DPP10: variants seen among roughly 807,000 people sequenced by gnomAD.
DPP10 encodes dipeptidyl peptidase like 10, also known as inactive dipeptidyl peptidase 10.
A neutral mutation model predicts 120.9 loss-of-function variants in DPP10; 33 were observed. That is an observed-to-expected ratio of 0.27 (90% CI 0.21 to 0.37). DPP10 has a LOEUF of 0.37. Ranked by LOEUF, DPP10 falls within the 10% of genes least tolerant of loss-of-function variation. The pLI, the probability that DPP10 is intolerant of heterozygous loss-of-function variation, is 1.00. For synonymous variants in DPP10, 337 were observed against 326.1 expected, an observed-to-expected ratio of 1.03 and a Z score of -0.36; for missense variants, 816 against 942.8, an observed-to-expected ratio of 0.87 and a Z score of 1.76.
At chr2:114,692,202 T>C (rs553730334) in intron 1 of DPP10, among the ~76,000 whole-genome samples, 5 of 150,590 alleles carry the variant, frequency 3.3e-5, no homozygotes, top group African/African-American at 1.2e-4. Flanking sequence ...TCTTTCTAGC[T>C]TTTTGATGTG....
chr2:115,681,139 A>C (rs2090621715), intron 5 of DPP10, among the ~76,000 whole-genome samples: 1 of 151,900 alleles, frequency 6.6e-6, no homozygotes, highest in Non-Finnish European at 1.5e-5. Context: ...CCGTAGTAAA[A>C]AATGACTGGT....
chr2:115,103,964 C>A (rs1010797915), intron 1 of DPP10, among the ~76,000 whole-genome samples: 1 of 152,200 alleles, frequency 6.6e-6, no homozygotes, highest in South Asian at 2.1e-4. Flanking sequence ...TGGAATAGAA[C>A]CCAAGTCTGA....
chr2:115,559,197 A>T (rs2080411595), intron 5 of DPP10, among the ~76,000 whole-genome samples: 1 of 152,192 alleles, frequency 6.6e-6, no homozygotes. Context: ...TGTGTCATTC[A>T]GCCTCACAGA....
chr2:115,139,130 C>T (rs2050790499), intron 1 of DPP10, among the ~76,000 whole-genome samples: 1 of 152,026 alleles, frequency 6.6e-6, no homozygotes, highest in Non-Finnish European at 1.5e-5. Flanking sequence ...GACATTTGTA[C>T]AGTAATTAAA....
intron 1 of DPP10, among the ~76,000 whole-genome samples, chr2:114,489,241 C>A (rs1205223375): frequency 6.6e-6 from 1 of 152,154 alleles, no homozygotes; most frequent in African/African-American, 2.4e-5. Context: ...CTTCTTCTCT[C>A]CAGGAAGGAG....
intron 5 of DPP10, among the ~76,000 whole-genome samples, chr2:115,576,895 C>G (rs2081701539): frequency 1.3e-5 from 2 of 152,148 alleles, no homozygotes; most frequent in East Asian, 3.9e-4. Flanking sequence ...TAACAGAGAC[C>G]AGCCTGAGTT....
chr2:115,152,137 GC>G (rs2104904579), intron 1 of DPP10, among the ~76,000 whole-genome samples: 1 of 152,172 alleles, frequency 6.6e-6, no homozygotes, highest in Non-Finnish European at 1.5e-5. Flanking sequence ...TTTGTCAATA[GC>G]AGAAGTTGGT....
chr2:115,592,189 A>T (rs2082703223), intron 5 of DPP10, among the ~76,000 whole-genome samples: 3 of 152,178 alleles, frequency 2.0e-5, no homozygotes, highest in African/African-American at 7.2e-5. Flanking sequence ...TAACAATAAG[A>T]TACAGAAGCT....
chr2:114,681,172 A>G (rs1573955079), intron 1 of DPP10, among the ~76,000 whole-genome samples: 1 of 151,942 alleles, frequency 6.6e-6, no homozygotes, highest in Non-Finnish European at 1.5e-5. Flanking sequence ...TTAGCCTATC[A>G]TGTTGCTTAC....
intron 1 of DPP10, among the ~76,000 whole-genome samples, chr2:115,299,152 C>T (rs897353768): frequency 6.6e-6 from 1 of 151,980 alleles, no homozygotes; most frequent in African/African-American, 2.4e-5. Context: ...CAGTTTCTAT[C>T]CCTCTTTTTA....
At chr2:115,082,114 A>G (rs1025439510) in intron 1 of DPP10, among the ~76,000 whole-genome samples, 4 of 152,178 alleles carry the variant, frequency 2.6e-5, no homozygotes, top group Admixed American at 2.6e-4. Flanking sequence ...GTTGTTTTCA[A>G]CAGGCCAGAA....
At chr2:114,775,489 T>C (rs1681646377) in intron 1 of DPP10, among the ~76,000 whole-genome samples, 1 of 152,178 alleles carries the variant, frequency 6.6e-6, no homozygotes, top group South Asian at 2.1e-4. Context: ...TCAGCATTTT[T>C]GTCCCACTTC....
intron 10 of DPP10, among the ~76,000 whole-genome samples, chr2:115,752,314 G>T (rs1678843485): frequency 6.6e-6 from 1 of 152,068 alleles, no homozygotes; most frequent in Non-Finnish European, 1.5e-5. Context: ...GAGTATTGAT[G>T]ATTGCATTTT....
At position 115,256,262 on chromosome 2, in the gene DPP10, C is replaced by T. The variant is rs1001900171; in HGVS notation, c.61-52977C>T. Among the ~76,000 whole-genome samples, 4 of 134,238 alleles carry T rather than the reference C, an allele frequency of 3.0e-5. No individual in the cohort carries two copies. In the South Asian group the frequency reaches 9.0e-4, roughly 30 times the overall value. 88.1% of individuals were successfully genotyped at this position (134,238 alleles called of 152,430 possible). A position where few individuals can be genotyped will look rare whatever the true frequency, so the allele number is the denominator to read the frequency against. On this transcript the variant is annotated intron_variant, in intron 1 of 25. Coordinates refer to ENST00000410059, the MANE Select transcript of DPP10 (RefSeq NM_020868.6). Reference sequence around the variant, plus strand: ...AGCCATTTATAAAATCATCAGATCTCGTGAGAATTCACTCACTATCAAAAG... The same window carrying T: ...AGCCATTTATAAAATCATCAGATCTTGTGAGAATTCACTCACTATCAAAAG...
At chr2:115,148,933 GTCA>G (rs1298233769) in intron 1 of DPP10, among the ~76,000 whole-genome samples, 3 of 151,976 alleles carry the variant, frequency 2.0e-5, no homozygotes, top group Non-Finnish European at 4.4e-5. Context: ...GCATTATAAT[GTCA>G]TCAATTTTCA....
intron 1 of DPP10, among the ~76,000 whole-genome samples, chr2:114,587,151 A>T (rs939386625): frequency 1.3e-5 from 2 of 151,886 alleles, no homozygotes; most frequent in Middle Eastern, 3.2e-3. Context: ...CAAAAAAAAA[A>T]TTAGCCGGGC....
At chr2:115,098,148 G>T (rs1191792610) in intron 1 of DPP10, among the ~76,000 whole-genome samples, 2 of 152,126 alleles carry the variant, frequency 1.3e-5, no homozygotes, top group Non-Finnish European at 2.9e-5. Context: ...GGGTGCACAC[G>T]CATGGTTGTC....
At chr2:115,174,326 G>A (rs1383434241) in intron 1 of DPP10, among the ~76,000 whole-genome samples, 1 of 152,106 alleles carries the variant, frequency 6.6e-6, no homozygotes, top group Non-Finnish European at 1.5e-5. Context: ...GTGAATATTT[G>A]TCAATAATTT....
intron 19 of DPP10, among the ~76,000 whole-genome samples, chr2:115,807,313 A>G (rs1210200055): frequency 1.3e-5 from 2 of 152,160 alleles, no homozygotes; most frequent in East Asian, 1.9e-4. Context: ...TTGTATTCTT[A>G]TATTTTCATG....
Sources: allele counts gnomAD v4.1 joint callset (sites outside exome capture counted in the v4.1 genomes callset), GRCh38; gene constraint gnomAD v4.1.1; transcripts MANE v1.5; gene names NCBI Gene and HGNC (gene_info 2026-07-23, HGNC 2026-07-21).